The following SORCS1 variants were observed in gnomAD, a reference collection of about 807,000 sequenced individuals.
SORCS1 encodes the protein sortilin related VPS10 domain containing receptor 1.
In SORCS1, 60 loss-of-function variants were observed where a neutral mutation model predicts 146.1. The ratio of observed to expected loss-of-function variants is 0.41; its 90% CI spans 0.33 to 0.51. The LOEUF (loss-of-function observed/expected upper bound fraction) is 0.51, where lower values mean the gene tolerates loss of function less well. Ranked by LOEUF, SORCS1 falls within the 20% of genes least tolerant of loss-of-function variation. The pLI, the probability that SORCS1 is intolerant of heterozygous loss-of-function variation, is 0.21. For missense variants in SORCS1, 1,352 were observed against 1,487.6 expected, an observed-to-expected ratio of 0.91 and a Z score of 1.50; for synonymous variants, 637 against 584.0, an observed-to-expected ratio of 1.09 and a Z score of -1.31.
In SORCS1 at chr10:106,588,980, T is replaced by C. The variant is rs114779845; in HGVS notation, c.3265+8371A>G. ...ATCTTTATAAAGCTTCCTAAGTTAA[T>C]TGCAATGTAAAGTCACGTTTGAGAA... On this transcript the variant is annotated intron_variant, in intron 24 of 25. Transcript: ENST00000263054. Among the ~76,000 whole-genome samples the C allele has an allele frequency of 7.9e-3, 1,206 of 151,998 alleles. 18 individuals carry two copies. The highest frequency in any genetic ancestry group is 0.028 in the African/African-American group (1,141 of 41,454).
chr10:106,684,540 C>A (rs1852681823), intron 10 of SORCS1, among the ~76,000 whole-genome samples: 1 of 152,154 alleles, frequency 6.6e-6, no homozygotes, highest in Admixed American at 6.5e-5. Flanking sequence ...TTGTACAATG[C>A]AGTCTTCAGA....
chr10:107,042,211 G>A (rs1959171957), intron 1 of SORCS1, among the ~76,000 whole-genome samples: 1 of 152,148 alleles, frequency 6.6e-6, no homozygotes, highest in African/African-American at 2.4e-5. Context: ...ATTTCATTCT[G>A]TCTTTGAGTC....
rs754580246 is a variant in SORCS1, at chr10:106,674,428, A to C, written c.1940+621T>G. Reference sequence around the variant, plus strand: ...GGCTTGAAAGTTTTCATTGATGACCAGATCAACTACTTTATAACCTTCCCT... The same window carrying C: ...GGCTTGAAAGTTTTCATTGATGACCCGATCAACTACTTTATAACCTTCCCT... On this transcript the variant is annotated intron_variant, in intron 14 of 25. Transcript: ENST00000263054. Among the ~76,000 whole-genome samples, 3 of 150,012 alleles carry C rather than the reference A, an allele frequency of 2.0e-5. No homozygotes were observed. The Admixed American group carries it at 2.0e-4, about 10-fold the overall frequency.
At chr10:106,957,034 T>G (rs1453068831) in intron 1 of SORCS1, among the ~76,000 whole-genome samples, 1 of 152,176 alleles carries the variant, frequency 6.6e-6, no homozygotes, top group African/African-American at 2.4e-5. Flanking sequence ...AAGAATTATT[T>G]GAAAGAATGT....
At chr10:107,117,088 G>A (rs538742756) in intron 1 of SORCS1, among the ~76,000 whole-genome samples, 2 of 152,228 alleles carry the variant, frequency 1.3e-5, no homozygotes, top group East Asian at 1.9e-4. Flanking sequence ...AGAAGGGAAG[G>A]AGAACTTGAA....
upstream of SORCS1, among the ~76,000 whole-genome samples, chr10:107,164,716 G>C (rs1447924743): frequency 1.3e-5 from 2 of 150,074 alleles, no homozygotes; most frequent in African/African-American, 4.9e-5. The surrounding 1 kb of genome is among the most constrained non-coding windows in gnomAD (Gnocchi z 6.8). Context: ...TGCCGAGCGC[G>C]GGTCCGGACG....
intron 1 of SORCS1, among the ~76,000 whole-genome samples, chr10:107,093,929 C>T (rs1227199221): frequency 6.6e-6 from 1 of 152,092 alleles, no homozygotes; most frequent in Non-Finnish European, 1.5e-5. Flanking sequence ...GAACTTTTTA[C>T]TCACCATTCC....
At chr10:106,861,561 G>A (rs973071667) in intron 2 of SORCS1, among the ~76,000 whole-genome samples, 1 of 152,040 alleles carries the variant, frequency 6.6e-6, no homozygotes, top group Non-Finnish European at 1.5e-5. Flanking sequence ...CAGTGACAAT[G>A]GAATTTACTT....
At chr10:106,643,094 A>G (rs950250959) in intron 18 of SORCS1, among the ~76,000 whole-genome samples, 4 of 152,194 alleles carry the variant, frequency 2.6e-5, no homozygotes, top group African/African-American at 9.6e-5. Context: ...ACAGAAAGAC[A>G]AGATACCATA....
At position 106,960,969 on chromosome 10, in the gene SORCS1, A is replaced by G. The variant is rs1027742414; in HGVS notation, c.559-4389T>C. 3.3e-5 allele frequency among the ~76,000 whole-genome samples: 5 copies of G among 151,898 alleles called. No individual in the cohort carries two copies. Among genetic ancestry groups the G allele is most frequent in the Admixed American group, 6.6e-5 (1 of 15,232 alleles). On this transcript the variant is annotated intron_variant, in intron 1 of 25. Transcript: ENST00000263054. The surrounding 1 kb of genome is among the most constrained non-coding windows in gnomAD (Gnocchi z 4.4). ...AATAATTCCATCAACTCTAGCCCTC[A>G]CTCCTTCTGGATAGGGAGTTGAGAA...
intron 3 of SORCS1, among the ~76,000 whole-genome samples, chr10:106,787,646 T>C (rs1161856418): frequency 6.6e-6 from 1 of 152,156 alleles, no homozygotes; most frequent in East Asian, 1.9e-4. Flanking sequence ...CCCAAAAGTA[T>C]TTTGTATGCA....
intron 14 of SORCS1, among the ~76,000 whole-genome samples, chr10:106,674,328 CA>C (rs10658432): frequency 1.1e-3 from 29 of 27,370 alleles, no homozygotes; most frequent in African/African-American, 4.0e-3. Context: ...GACTCCGTCT[CA>C]AAAAAAAAAA....
intron 1 of SORCS1, among the ~76,000 whole-genome samples, chr10:107,156,692 C>A (rs74154854): frequency 6.6e-6 from 1 of 152,218 alleles, no homozygotes; most frequent in African/African-American, 2.4e-5. Context: ...AGTTTGACTA[C>A]TGCTGCTCCA....
intron 4 of SORCS1, among the ~76,000 whole-genome samples, chr10:106,768,358 G>C (rs186207473): frequency 4.3e-4 from 65 of 152,284 alleles, no homozygotes; most frequent in Non-Finnish European, 1.9e-4. Context: ...TTAATGCAGT[G>C]CCTTGGGGAA....
chr10:106,963,363 C>T (rs1648269043), intron 1 of SORCS1, among the ~76,000 whole-genome samples: 1 of 151,958 alleles, frequency 6.6e-6, no homozygotes, highest in Admixed American at 6.6e-5. Context: ...GATCCGCCCA[C>T]CTCGGCCTCC....
At chr10:107,096,767 C>A (rs1201365837) in intron 1 of SORCS1, among the ~76,000 whole-genome samples, 1 of 152,178 alleles carries the variant, frequency 6.6e-6, no homozygotes, top group Non-Finnish European at 1.5e-5. Context: ...CCACCTCGGC[C>A]TCCCAAAATG....
At chr10:107,113,438 C>G (rs1019621852) in intron 1 of SORCS1, among the ~76,000 whole-genome samples, 1 of 152,082 alleles carries the variant, frequency 6.6e-6, no homozygotes, top group Non-Finnish European at 1.5e-5. Context: ...TCTGTAATCC[C>G]AGCACTTTGG....
chr10:106,609,705 T>C (rs571019813), intron 22 of SORCS1, among the ~76,000 whole-genome samples: 66 of 152,334 alleles, frequency 4.3e-4, no homozygotes, highest in Admixed American at 2.9e-3. Context: ...TGCATATTCC[T>C]GATTATGCTA....
intron 5 of SORCS1, among the ~76,000 whole-genome samples, chr10:106,741,447 A>G (rs1161372986): frequency 6.6e-6 from 1 of 152,054 alleles, no homozygotes; most frequent in East Asian, 1.9e-4. Flanking sequence ...AAAAATACAA[A>G]AATTAGCTGG....
Sources: gnomAD v4.1 joint callset for allele counts (sites outside exome capture counted in the v4.1 genomes callset) on GRCh38, gnomAD v4.1.1 for gene constraint, Gnocchi (gnomAD v3.1) non-coding constraint, MANE v1.5 for transcripts, NCBI Gene and HGNC (gene_info 2026-07-23, HGNC 2026-07-21) for gene names.